SLC24A4: variants seen among roughly 807,000 people sequenced by gnomAD.
SLC24A4 encodes solute carrier family 24 member 4.
A neutral mutation model predicts 79.0 loss-of-function variants in SLC24A4; 53 were observed. The observed-to-expected ratio is 0.67, with a 90% CI of 0.54 to 0.84. SLC24A4 has a LOEUF of 0.84. Ranked by LOEUF, SLC24A4 falls within the 40% of genes least tolerant of loss-of-function variation. The pLI is 0.00. For synonymous variants in SLC24A4, 323 were observed against 323.8 expected (o/e 1.00, Z 0.03); for missense variants, 731 against 822.0 (o/e 0.89, Z 1.35).
intron 2 of SLC24A4, among the ~76,000 whole-genome samples, chr14:92,421,593 C>T (rs1305014445): frequency 7.9e-5 from 12 of 152,072 alleles, no homozygotes; most frequent in South Asian, 6.2e-4. Context: ...CTGAAACCCC[C>T]GCCTCCCAGG....
rs534048339 is a variant in SLC24A4 at position 92,413,677 on chromosome 14, A to C, written c.242-20235A>C. ...CACACGCTCAGTGCTTGTTGGAAAG[A>C]TTGAAAGTCAAAATCTGGGCTGGGA... On this transcript the variant is annotated intron_variant, in intron 2 of 16. Coordinates refer to ENST00000532405, the MANE Select transcript of SLC24A4 (RefSeq NM_153646.4). 2.4e-4 allele frequency among the ~76,000 whole-genome samples: 37 copies of C among 152,358 alleles called. No homozygotes were observed. In the East Asian group the frequency reaches 3.9e-3, roughly 16 times the overall value.
chr14:92,350,950 T>G (rs1321948834), intron 2 of SLC24A4, among the ~76,000 whole-genome samples: 1 of 152,182 alleles, frequency 6.6e-6, no homozygotes, highest in Non-Finnish European at 1.5e-5. Flanking sequence ...CTTCCTCTCT[T>G]TCTGCCTTGT....
intron 2 of SLC24A4, among the ~76,000 whole-genome samples, chr14:92,399,160 GA>G (rs1196649816): frequency 6.6e-6 from 1 of 152,134 alleles, no homozygotes; most frequent in East Asian, 1.9e-4. Context: ...GTAGGATATA[GA>G]GTTCTCTGGA....
intron 3 of SLC24A4, among the ~76,000 whole-genome samples, chr14:92,434,613 A>G (rs1174375424): frequency 6.6e-6 from 1 of 152,192 alleles, no homozygotes; most frequent in African/African-American, 2.4e-5. Flanking sequence ...GGGCATGAGC[A>G]TAAACAACCA....
chr14:92,354,504 A>G (rs1887066589), intron 2 of SLC24A4, among the ~76,000 whole-genome samples: 1 of 152,092 alleles, frequency 6.6e-6, no homozygotes, highest in Admixed American at 6.5e-5. Flanking sequence ...GAATGGACAA[A>G]CGCTTGCCGT....
rs114301755 is a variant in SLC24A4, at chr14:92,388,234, G to T, written c.242-45678G>T. ...GTACTGTTTTCCTCTCTTAAGGCCC[G>T]TTAAAGCCTGAGAGACCACACAAGG... On this transcript the variant is annotated intron_variant, in intron 2 of 16. Coordinates refer to ENST00000532405, the MANE Select transcript of SLC24A4 (RefSeq NM_153646.4). 2.0e-5 allele frequency among the ~76,000 whole-genome samples: 3 copies of T among 152,226 alleles called. No individual in the cohort carries two copies. In the South Asian group the frequency reaches 6.2e-4, roughly 32 times the overall value.
chr14:92,405,160 A>C (rs1890309505), intron 2 of SLC24A4, among the ~76,000 whole-genome samples: 2 of 151,958 alleles, frequency 1.3e-5, no homozygotes, highest in South Asian at 4.2e-4. Context: ...TGTGCCCTTG[A>C]CTCATCTATT....
chr14:92,400,944 G>A (rs1890084448), intron 2 of SLC24A4, among the ~76,000 whole-genome samples: 1 of 152,172 alleles, frequency 6.6e-6, no homozygotes, highest in South Asian at 2.1e-4. Context: ...TTCAACATGT[G>A]CTTTTGCTTG....
intron 2 of SLC24A4, among the ~76,000 whole-genome samples, chr14:92,342,392 A>ATTTATTTG (rs1380442389): frequency 6.7e-6 from 1 of 148,456 alleles, no homozygotes; most frequent in African/African-American, 2.5e-5. Context: ...TTATTTATTT[A>ATTTATTTG]TTTATTTTGA....
At chr14:92,358,772 C>T (rs1887328783) in intron 2 of SLC24A4, among the ~76,000 whole-genome samples, 1 of 150,672 alleles carries the variant, frequency 6.6e-6, no homozygotes, top group Non-Finnish European at 1.5e-5. Flanking sequence ...GCAACGTCTG[C>T]CTCCCAGGTT....
intron 2 of SLC24A4, among the ~76,000 whole-genome samples, chr14:92,341,492 A>G (rs576068510): frequency 8.5e-5 from 13 of 152,306 alleles, no homozygotes; most frequent in Non-Finnish European, 1.6e-4. Context: ...ACTTATAAAC[A>G]AAGATCGGAG....
chr14:92,348,072 A>G (rs553912436), intron 2 of SLC24A4, among the ~76,000 whole-genome samples: 6 of 152,334 alleles, frequency 3.9e-5, no homozygotes, highest in Admixed American at 2.0e-4. Flanking sequence ...CAACCCTGAC[A>G]TCCCCACAGA....
chr14:92,393,840 G>C (rs893726571), intron 2 of SLC24A4, among the ~76,000 whole-genome samples: 1 of 151,896 alleles, frequency 6.6e-6, no homozygotes, highest in Non-Finnish European at 1.5e-5. Context: ...GTGAAACCCT[G>C]TCTCTACTAA....
intron 2 of SLC24A4, among the ~76,000 whole-genome samples, chr14:92,403,182 G>A (rs948083098): frequency 2.6e-5 from 4 of 152,072 alleles, no homozygotes; most frequent in Non-Finnish European, 4.4e-5. Context: ...AAGTCCTCTG[G>A]GTGAGCAGCC....
chr14:92,435,723 A>G (rs1049536306), intron 3 of SLC24A4, among the ~76,000 whole-genome samples: 1 of 152,254 alleles, frequency 6.6e-6, no homozygotes, highest in African/African-American at 2.4e-5. Flanking sequence ...TGAAGTTTTA[A>G]TTAACAGGGT....
At chr14:92,383,145 C>G (rs534391009) in intron 2 of SLC24A4, among the ~76,000 whole-genome samples, 1 of 152,198 alleles carries the variant, frequency 6.6e-6, no homozygotes, top group Non-Finnish European at 1.5e-5. Context: ...AGAGCAGATG[C>G]GTTCTTCTCA....
chr14:92,468,378 A>G (rs1894236795), intron 12 of SLC24A4, among the ~76,000 whole-genome samples: 1 of 152,226 alleles, frequency 6.6e-6, no homozygotes, highest in Non-Finnish European at 1.5e-5. Context: ...TCAAAACCCC[A>G]GCTGACTTTT....
At chr14:92,348,994 C>G (rs901345109) in intron 2 of SLC24A4, among the ~76,000 whole-genome samples, 4 of 151,900 alleles carry the variant, frequency 2.6e-5, no homozygotes, top group Admixed American at 6.6e-5. Flanking sequence ...AGGGAGGCAC[C>G]AAGTCACGCT....
At chr14:92,393,543 CTCT>C (rs1371236681) in intron 2 of SLC24A4, among the ~76,000 whole-genome samples, 13 of 111,306 alleles carry the variant, frequency 1.2e-4, no homozygotes, top group African/African-American at 3.8e-4. Flanking sequence ...AGAAGACACA[CTCT>C]TTTTTTTTTT....
Sources: allele counts gnomAD v4.1 joint callset (sites outside exome capture counted in the v4.1 genomes callset), GRCh38; gene constraint gnomAD v4.1.1; transcripts MANE v1.5; gene names NCBI Gene and HGNC (gene_info 2026-07-23, HGNC 2026-07-21).